The following LRPPRC variants were observed in gnomAD, a reference collection of about 807,000 sequenced individuals.
The protein encoded by LRPPRC is leucine rich pentatricopeptide repeat containing, also known as leucine-rich PPR motif-containing protein, mitochondrial.
A neutral mutation model predicts 180.3 loss-of-function variants in LRPPRC; 120 were observed. The observed-to-expected ratio is 0.67, with a 90% CI of 0.57 to 0.77. The LOEUF (loss-of-function observed/expected upper bound fraction) is 0.77, where lower values mean the gene tolerates loss of function less well. LRPPRC is among the 30% of genes least tolerant of loss of function. LRPPRC has a pLI of 0.00. For missense variants in LRPPRC, 2,012 were observed against 1,657.2 expected (o/e 1.21, Z -3.72); for synonymous variants, 723 against 600.0 (o/e 1.21, Z -3.00).
At chr2:43,991,278 C>T (rs12996776) in intron 1 of LRPPRC, among the ~76,000 whole-genome samples, 47,475 of 151,882 alleles carry the variant, frequency 0.31, 8,655 homozygotes, top group Non-Finnish European at 0.41. Flanking sequence ...GTGATCTGCC[C>T]GCCTCGGCCT....
chr2:43,995,745 C>T, intron 1 of LRPPRC, 54 bp downstream of exon 1: 2 of 1,343,634 alleles, frequency 1.5e-6, no homozygotes, highest in South Asian at 3.8e-5. Flanking sequence ...GCACCCACGA[C>T]CCCGGGGGAC....
intron 29 of LRPPRC, among the ~76,000 whole-genome samples, chr2:43,916,509 T>C (rs370462756): frequency 6.6e-5 from 10 of 152,290 alleles, no homozygotes; most frequent in African/African-American, 2.4e-4. Flanking sequence ...CAACACATAC[T>C]AGTATAGTAA....
chr2:43,919,803 T>C (rs916736682), intron 27 of LRPPRC, among the ~76,000 whole-genome samples: 1 of 152,060 alleles, frequency 6.6e-6, no homozygotes, highest in East Asian at 1.9e-4. Context: ...GATGTCTTTT[T>C]TTAATTTGCT....
chr2:43,912,945 G>A (rs1001551558), intron 29 of LRPPRC, among the ~76,000 whole-genome samples: 1 of 152,010 alleles, frequency 6.6e-6, no homozygotes, highest in Non-Finnish European at 1.5e-5. Context: ...ATAAACCAGA[G>A]GTATAATTTA....
chr2:43,975,635 T>G (rs1214184043), intron 6 of LRPPRC, among the ~76,000 whole-genome samples: 2 of 151,406 alleles, frequency 1.3e-5, no homozygotes, highest in Admixed American at 6.6e-5. Context: ...CAGGCTGGAG[T>G]GCAATGGTGT....
At chr2:43,987,564 C>T (rs1247049787) in intron 1 of LRPPRC, among the ~76,000 whole-genome samples, 1 of 151,698 alleles carries the variant, frequency 6.6e-6, no homozygotes, top group South Asian at 2.1e-4. Flanking sequence ...CCACTAATAC[C>T]CTGTTCCCAC....
At chr2:43,939,116 C>CAA (rs34124728) in intron 23 of LRPPRC, among the ~76,000 whole-genome samples, 2 of 128,222 alleles carry the variant, frequency 1.6e-5, no homozygotes, top group African/African-American at 2.8e-5. Flanking sequence ...ACTAAAAATA[C>CAA]AAAAAAAAAA....
chr2:43,978,945 A>G (rs943884053), intron 3 of LRPPRC, among the ~76,000 whole-genome samples: 2 of 152,130 alleles, frequency 1.3e-5, no homozygotes, highest in Non-Finnish European at 2.9e-5. Flanking sequence ...TTAAACAATC[A>G]CATCATCTAA....
intron 1 of LRPPRC, among the ~76,000 whole-genome samples, chr2:43,992,504 C>G (rs552656200): frequency 6.6e-6 from 1 of 152,206 alleles, no homozygotes; most frequent in Non-Finnish European, 1.5e-5. Flanking sequence ...GCTAAAGAGT[C>G]TGGATCTCCT....
intron 23 of LRPPRC, among the ~76,000 whole-genome samples, chr2:43,935,102 C>T (rs1672230122): frequency 6.6e-6 from 1 of 152,128 alleles, no homozygotes; most frequent in African/African-American, 2.4e-5. Context: ...ATTTACCCTG[C>T]TTCATCTTTT....
intron 31 of LRPPRC, chr2:43,902,162 A>C (rs1283856787): frequency 6.6e-6 from 1 of 152,526 alleles, no homozygotes; most frequent in East Asian, 1.9e-4. Context: ...TGCATTTTCA[A>C]CTTTATCCCG....
At position 43,896,699 on chromosome 2, in the gene LRPPRC, C is replaced by T. The variant is rs1177488512; in HGVS notation, c.3835G>A (p.Ala1279Thr). 1.9e-6 allele frequency: 3 copies of T among 1,599,396 alleles called. No individual in the cohort carries two copies. The highest frequency in any genetic ancestry group is 2.6e-6 in the Non-Finnish European group (3 of 1,166,882). Residue 1279 changes from alanine to threonine, a missense_variant, in exon 35 of 38, where the codon GCA becomes ACA. Ala to Thr is a moderately conservative substitution (Grantham distance 58). Transcript: ENST00000260665. Reference sequence around the variant, plus strand: ...AAAATCGGGGTTTGTTCAGCAATTGCACCACATCTCTAAAAATTAAAACAT... The same window carrying T: ...AAAATCGGGGTTTGTTCAGCAATTGTACCACATCTCTAAAAATTAAAACAT... ...DARALLQRCG[A>T]IAEQTPILLL...
intron 28 of LRPPRC, 38 bp from the exon 29 acceptor site, chr2:43,918,171 A>T (rs775736966): frequency 1.3e-6 from 2 of 1,595,162 alleles, no homozygotes; most frequent in Non-Finnish European, 1.7e-6. Context: ...AAAAACTGGT[A>T]ATCTTTTCAA....
chr2:43,917,178 T>C (rs58972503), intron 29 of LRPPRC, among the ~76,000 whole-genome samples: 92,030 of 150,696 alleles, frequency 0.61, 29,463 homozygotes, highest in East Asian at 0.96. Flanking sequence ...GTAGCTGCGA[T>C]GACAGGCATG....
At chr2:43,991,035 T>TA (rs1226824563) in intron 1 of LRPPRC, among the ~76,000 whole-genome samples, 49 of 148,054 alleles carry the variant, frequency 3.3e-4, no homozygotes, top group Middle Eastern at 3.4e-3. Flanking sequence ...TACTTTTATT[T>TA]TTTTTTTTTT....
chr2:43,966,860 G>C (rs1293757357), intron 11 of LRPPRC, among the ~76,000 whole-genome samples: 1 of 150,510 alleles, frequency 6.6e-6, no homozygotes, highest in East Asian at 2.0e-4. Context: ...AGACCAGCCT[G>C]GCCAACATGG....
At chr2:43,937,159 T>C (rs1190400828) in intron 23 of LRPPRC, among the ~76,000 whole-genome samples, 1 of 152,180 alleles carries the variant, frequency 6.6e-6, no homozygotes, top group East Asian at 1.9e-4. Context: ...TAATAGTCTT[T>C]GGTCTCCAAA....
chr2:43,980,071 A>G (rs1674236017), intron 2 of LRPPRC, 123 bp from the exon 3 acceptor site: 1 of 897,490 alleles, frequency 1.1e-6, no homozygotes, highest in Admixed American at 2.1e-5. Flanking sequence ...GAGAGTAACC[A>G]TAAATTAGAA....
At chr2:43,985,206 T>C (rs567350633) in intron 1 of LRPPRC, among the ~76,000 whole-genome samples, 7 of 152,206 alleles carry the variant, frequency 4.6e-5, no homozygotes, top group South Asian at 4.1e-4. Context: ...AAACCCACAA[T>C]TTTTTAGTGT....
Sources: allele counts gnomAD v4.1 joint callset (sites outside exome capture counted in the v4.1 genomes callset), GRCh38; gene constraint gnomAD v4.1.1; transcripts MANE v1.5; gene names NCBI Gene and HGNC (gene_info 2026-07-23, HGNC 2026-07-21).